PPARD: variants seen among roughly 807,000 people sequenced by gnomAD.
PPARD encodes peroxisome proliferator-activated receptor delta.
PPARD carries 6 observed loss-of-function variants against 39.5 expected under a neutral mutation model. That is an observed-to-expected ratio of 0.15 (90% CI 0.08 to 0.30). The LOEUF (loss-of-function observed/expected upper bound fraction) is 0.30, where lower values mean the gene tolerates loss of function less well. PPARD is among the 10% of genes least tolerant of loss of function. The pLI is 1.00. For missense variants in PPARD, 397 were observed against 596.8 expected, an observed-to-expected ratio of 0.67 and a Z score of 3.49; for synonymous variants, 210 against 231.3, an observed-to-expected ratio of 0.91 and a Z score of 0.83.
chr6:35,373,676 T>C lies in PPARD; in HGVS notation c.-102+26526T>C, dbSNP rs551192329. Among the ~76,000 whole-genome samples, 200 of 151,264 alleles carry C rather than the reference T, an allele frequency of 1.3e-3. 6 individuals are homozygous for C. The South Asian group carries it at 0.04, about 30-fold the overall frequency. On this transcript the variant is annotated intron_variant, in intron 2 of 7. Transcript: ENST00000360694. ...TTCTTTCTTTGTTTCTTTCTTTCTT[T>C]TTTTTTTTTGAGACAAAGTCTCCTT...
chr6:35,417,382 G>A (rs536874756), intron 3 of PPARD, among the ~76,000 whole-genome samples: 1 of 151,668 alleles, frequency 6.6e-6, no homozygotes, highest in Non-Finnish European at 1.5e-5. Flanking sequence ...GCTCTCCTAG[G>A]CTCAAGGATT....
intron 2 of PPARD, among the ~76,000 whole-genome samples, chr6:35,370,325 GC>G (rs2150534525): frequency 6.6e-6 from 1 of 152,260 alleles, no homozygotes; most frequent in Non-Finnish European, 1.5e-5. Flanking sequence ...GTGTTGTCTG[GC>G]CACTTCCTCT....
intron 2 of PPARD, among the ~76,000 whole-genome samples, chr6:35,399,591 T>C (rs951963346): frequency 2.6e-5 from 4 of 152,074 alleles, no homozygotes; most frequent in African/African-American, 7.2e-5. Flanking sequence ...GGCATGAATC[T>C]GTAGTCCCAG....
chr6:35,384,082 G>C, intron 2 of PPARD, among the ~76,000 whole-genome samples: 1 of 147,308 alleles, frequency 6.8e-6, no homozygotes. Flanking sequence ...GTCCGGGAGG[G>C]AGGTCGGGGC....
At position 35,347,092 on chromosome 6, in the gene PPARD, C is replaced by T. The variant is rs912605349; in HGVS notation, c.-160C>T. 7.2e-6 allele frequency: 11 copies of T among 1,535,900 alleles called. No homozygotes were observed. The highest frequency in any genetic ancestry group is 3.3e-4 in the Middle Eastern group (2 of 5,988). On this transcript the variant is annotated 5_prime_UTR_variant, in exon 2 of 8. In the 5' UTR this introduces an upstream ATG that the reference lacks. Coordinates refer to ENST00000360694, the MANE Select transcript of PPARD (RefSeq NM_006238.5). ...TGTTGTACAGTGTTTTGGGCATGCA[C>T]GTGATACTCACACAGTGGCTTCTGC...
Position 35,424,204 on chromosome 6 carries a change from G to T in PPARD, c.627+56G>T. On this transcript the variant is annotated intron_variant, in intron 6 of 7. Transcript: ENST00000360694. This position sits in a 1 kb window ranked among gnomAD's most constrained non-coding sequence, Gnocchi z 7.1. ...ATCCTGGGCTCTGGGTCCCACTGCC[G>T]CCTGCCTGACTCCGGGAGAGCCAGG... 1.2e-6 allele frequency: 2 copies of T among 1,600,832 alleles called. No homozygotes were observed. Among genetic ancestry groups the T allele is most frequent in the Non-Finnish European group, 1.7e-6 (2 of 1,173,348 alleles).
At chr6:35,398,041 T>C (rs1290261043) in intron 2 of PPARD, among the ~76,000 whole-genome samples, 3 of 152,090 alleles carry the variant, frequency 2.0e-5, no homozygotes, top group Non-Finnish European at 2.9e-5. Flanking sequence ...TGGTACTTAA[T>C]ATACCAGAAG....
chr6:35,351,333 T>A (rs559145456), intron 2 of PPARD, among the ~76,000 whole-genome samples: 107 of 152,274 alleles, frequency 7.0e-4, no homozygotes, highest in Non-Finnish European at 1.2e-3. Context: ...CCCTTTAGAT[T>A]CTTAAAAATT....
intron 2 of PPARD, among the ~76,000 whole-genome samples, chr6:35,408,476 C>A (rs1470786906): frequency 6.6e-6 from 1 of 152,198 alleles, no homozygotes; most frequent in African/African-American, 2.4e-5. Context: ...GTGAACATTT[C>A]CTGTGCTCTG....
At chr6:35,405,513 G>A (rs187920149) in intron 2 of PPARD, among the ~76,000 whole-genome samples, 25 of 152,016 alleles carry the variant, frequency 1.6e-4, no homozygotes, top group Non-Finnish European at 2.8e-4. Context: ...TTCTGGCTCT[G>A]GCATAGTGCT....
chr6:35,344,873 C>A (rs1157393942), intron 1 of PPARD, among the ~76,000 whole-genome samples: 1 of 152,202 alleles, frequency 6.6e-6, no homozygotes, highest in South Asian at 2.1e-4. Flanking sequence ...CCCCAGACCC[C>A]CTTTGCAGCA....
intron 2 of PPARD, among the ~76,000 whole-genome samples, chr6:35,367,134 C>G (rs1036102881): frequency 2.6e-5 from 4 of 152,006 alleles, no homozygotes; most frequent in Non-Finnish European, 5.9e-5. Flanking sequence ...ATTCTTTGAA[C>G]CTGGATGGCT....
intron 2 of PPARD, among the ~76,000 whole-genome samples, chr6:35,351,108 C>T (rs1362535156): frequency 6.6e-6 from 1 of 152,126 alleles, no homozygotes; most frequent in Admixed American, 6.6e-5. Context: ...TTACTGCAAG[C>T]CCCGCCTCCC....
chr6:35,387,669 G>A (rs1251139768), intron 2 of PPARD, among the ~76,000 whole-genome samples: 14 of 144,892 alleles, frequency 9.7e-5, no homozygotes, highest in Non-Finnish European at 2.0e-4. Flanking sequence ...TTGATTGAGT[G>A]TATCTTGGGA....
In PPARD at chr6:35,372,550, A is replaced by T. The variant is rs1031072954; in HGVS notation, c.-102+25400A>T. Among the ~76,000 whole-genome samples the T allele has an allele frequency of 3.3e-5, 5 of 152,310 alleles. No individual in the cohort carries two copies. The South Asian group carries it at 1.0e-3, about 32-fold the overall frequency. On this transcript the variant is annotated intron_variant, in intron 2 of 7. Coordinates refer to ENST00000360694, the MANE Select transcript of PPARD (RefSeq NM_006238.5). ...CTCAACCTATACTTGGAGGATCCCA[A>T]GCTTGGATGAGTGTAAGAGCTGTGA...
At chr6:35,374,098 G>A (rs6919334) in intron 2 of PPARD, among the ~76,000 whole-genome samples, 34,660 of 152,014 alleles carry the variant, frequency 0.23, 8,774 homozygotes, top group African/African-American at 0.63. Flanking sequence ...CTCTGCTGCT[G>A]GTGAATCTGT....
chr6:35,380,476 G>GTT (rs71002557), intron 2 of PPARD, among the ~76,000 whole-genome samples: 110 of 67,128 alleles, frequency 1.6e-3, no homozygotes, highest in Admixed American at 2.3e-3. Context: ...TTTTTTGTTT[G>GTT]TTTTTTTTTT....
At chr6:35,423,400 G>A (rs1766328445) in intron 5 of PPARD, among the ~76,000 whole-genome samples, 1 of 151,964 alleles carries the variant, frequency 6.6e-6, no homozygotes, top group African/African-American at 2.4e-5. Context: ...CAGGCATGGT[G>A]GTGGGCGCCT....
In PPARD at chr6:35,421,841, C is replaced by T. The variant is rs759592721; in HGVS notation, c.307C>T (p.Arg103Cys). ...TCAGGGCTTCTTCCGTCGTACGATC[C>T]GCATGAAGCTGGAGTACGAGAAGTG... ...GCKGFFRRTI[R>C]MKLEYEKCER... The change falls in exon 5 of 8, where the codon CGC becomes TGC. Residue 103 changes from arginine to cysteine, a missense_variant. Transcript: ENST00000360694. 1.4e-5 allele frequency: 22 copies of T among 1,612,902 alleles called. No individual in the cohort carries two copies. The highest frequency in any genetic ancestry group is 1.6e-4 in the Middle Eastern group (1 of 6,082).
Sources: gnomAD v4.1 joint callset for allele counts (sites outside exome capture counted in the v4.1 genomes callset) on GRCh38, gnomAD v4.1.1 for gene constraint, Gnocchi (gnomAD v3.1) non-coding constraint, MANE v1.5 for transcripts, NCBI Gene and HGNC (gene_info 2026-07-23, HGNC 2026-07-21) for gene names.